SEL1L3: variants seen among roughly 807,000 people sequenced by gnomAD.
The protein encoded by SEL1L3 is protein sel-1 homolog 3.
Under a neutral mutation model 142.8 loss-of-function variants are expected in SEL1L3, and 76 were observed. The observed-to-expected ratio is 0.53, with a 90% CI of 0.44 to 0.64. The LOEUF (loss-of-function observed/expected upper bound fraction) is 0.64. Ranked by LOEUF, SEL1L3 falls within the 30% of genes least tolerant of loss-of-function variation. The probability of loss-of-function intolerance (pLI) is 0.00; values close to 1 mark genes in which losing one functional copy is unlikely to be tolerated. For synonymous variants in SEL1L3, 504 were observed against 519.6 expected (o/e 0.97, Z 0.41); for missense variants, 1,262 against 1,381.7 (o/e 0.91, Z 1.37).
At chr4:25,757,878 A>C in intron 21 of SEL1L3, 88 bp from the exon 22 acceptor site, 1 of 879,748 alleles carries the variant, frequency 1.1e-6, no homozygotes, top group Non-Finnish European at 1.8e-6. Context: ...ACAAACCTAC[A>C]TTCTTCTGCT....
intron 11 of SEL1L3, among the ~76,000 whole-genome samples, chr4:25,792,437 A>G (rs1374343878): frequency 1.3e-5 from 2 of 152,198 alleles, no homozygotes; most frequent in African/African-American, 4.8e-5. Context: ...AGACCACTCT[A>G]TCTGGTCCAC....
chr4:25,745,471 G>A (rs188771339), downstream of SEL1L3, among the ~76,000 whole-genome samples: 17 of 152,172 alleles, frequency 1.1e-4, 1 homozygote, highest in Middle Eastern at 3.4e-3. Flanking sequence ...TGCAACCAAC[G>A]TAGAGTTTTG....
At chr4:25,840,386 T>A (rs1716095171) in intron 2 of SEL1L3, among the ~76,000 whole-genome samples, 1 of 152,184 alleles carries the variant, frequency 6.6e-6, no homozygotes, top group African/African-American at 2.4e-5. Context: ...TCCTGCTGCA[T>A]AAACCATTTT....
rs567682995 is a variant in SEL1L3, at chr4:25,782,358, C to T, written c.2341G>A (p.Ala781Thr). Residue 781 changes from alanine (A) to threonine (T), a missense_variant, in exon 15 of 24, where the codon GCC becomes ACC. Physicochemically the swap from Ala to Thr is moderately conservative, Grantham distance 58 (BLOSUM62 0). Coordinates refer to ENST00000399878, the MANE Select transcript of SEL1L3 (RefSeq NM_015187.5). ...WYYHKFKKNY[A>T]KAAKYWLKAE... is the part of the protein sequence containing the mutation. ...TTTAACCAGTACTTTGCTGCTTTGG[C>T]GTAATTTTTCTTGAATTTGTGGTAA... 21 of 1,613,814 alleles carry T rather than the reference C, an allele frequency of 1.3e-5. No homozygotes were observed. The highest frequency in any genetic ancestry group is 3.3e-5 in the South Asian group (3 of 91,076).
chr4:25,815,861 G>C (rs531650037), intron 9 of SEL1L3, among the ~76,000 whole-genome samples: 82 of 137,738 alleles, frequency 6.0e-4, no homozygotes, highest in African/African-American at 1.7e-3. Context: ...TGGAGAGGAG[G>C]GATATTGGGG....
At chr4:25,813,264 A>G (rs1714154592) in intron 9 of SEL1L3, among the ~76,000 whole-genome samples, 1 of 152,222 alleles carries the variant, frequency 6.6e-6, no homozygotes, top group Admixed American at 6.5e-5. Flanking sequence ...TATTCTAAGC[A>G]AAGTTATTCA....
downstream of SEL1L3, among the ~76,000 whole-genome samples, chr4:25,746,801 A>G (rs937654533): frequency 2.0e-5 from 3 of 151,772 alleles, no homozygotes; most frequent in African/African-American, 4.8e-5. Flanking sequence ...CTCTGAGCCA[A>G]TAAAACCTCT....
rs147695195 is a variant in SEL1L3 at position 25,834,188 on chromosome 4, C to A, written c.861-619G>T. On this transcript the variant is annotated intron_variant, in intron 3 of 23. Transcript: ENST00000399878. ...ATTCCTGGACTGGGGCTATTTTAGTCGAAAAAAATATTGTACATCTGTGAC... is the reference window on the plus strand; with the variant it reads ...ATTCCTGGACTGGGGCTATTTTAGTAGAAAAAAATATTGTACATCTGTGAC... Among the ~76,000 whole-genome samples the A allele has an allele frequency of 6.7e-3, 1,019 of 152,038 alleles. 6 individuals carry two copies. Among genetic ancestry groups the A allele is most frequent in the Middle Eastern group, 0.01 (3 of 294 alleles).
the SEL1L3 span, among the ~76,000 whole-genome samples, chr4:25,715,336 A>G: frequency 6.6e-6 from 1 of 152,122 alleles, no homozygotes; most frequent in African/African-American, 2.4e-5. Context: ...AATTTTTAAA[A>G]ATTATATTTT....
chr4:25,748,778 G>A (rs1045305092), intron 23 of SEL1L3, among the ~76,000 whole-genome samples: 1 of 152,150 alleles, frequency 6.6e-6, no homozygotes, highest in African/African-American at 2.4e-5. Context: ...CCCTTCAAGA[G>A]TTTCACCTCC....
At chr4:25,723,730 GCTGCT>G in the SEL1L3 span, among the ~76,000 whole-genome samples, 1 of 152,102 alleles carries the variant, frequency 6.6e-6, no homozygotes, top group Non-Finnish European at 1.5e-5. Context: ...ACCACCACCA[GCTGCT>G]GGTCCTCACA....
intron 9 of SEL1L3, among the ~76,000 whole-genome samples, chr4:25,816,144 A>G (rs568793467): frequency 2.8e-4 from 41 of 147,306 alleles, no homozygotes; most frequent in African/African-American, 9.7e-4. Flanking sequence ...AATATAATAT[A>G]CATATATTAT....
At chr4:25,734,811 C>T in the SEL1L3 span, among the ~76,000 whole-genome samples, 147 of 151,924 alleles carry the variant, frequency 9.7e-4, no homozygotes, top group Non-Finnish European at 1.9e-3. Flanking sequence ...TCAGGTGATC[C>T]GCCCGCCTCA....
intron 15 of SEL1L3, 141 bp downstream of exon 15, chr4:25,782,101 G>A: frequency 1.4e-6 from 1 of 708,210 alleles, no homozygotes. Context: ...TCACTATCTT[G>A]TTTTCCTACG....
intron 17 of SEL1L3, among the ~76,000 whole-genome samples, 167 bp from the exon 18 acceptor site, chr4:25,767,997 C>T (rs188709655): frequency 6.6e-6 from 1 of 152,020 alleles, no homozygotes; most frequent in Non-Finnish European, 1.5e-5. Context: ...ACTGCATGCA[C>T]TGATTTATTT....
the SEL1L3 span, among the ~76,000 whole-genome samples, chr4:25,731,424 A>G: frequency 6.6e-6 from 1 of 152,174 alleles, no homozygotes; most frequent in Non-Finnish European, 1.5e-5. Flanking sequence ...TGCCTATAAA[A>G]TCCTCACCAC....
intron 9 of SEL1L3, among the ~76,000 whole-genome samples, chr4:25,812,532 C>G (rs1034452922): frequency 6.6e-6 from 1 of 152,036 alleles, no homozygotes; most frequent in African/African-American, 2.4e-5. Flanking sequence ...CCAGCCTGGC[C>G]AACATGGCGA....
At chr4:25,819,544 A>G (rs1714615995) in intron 8 of SEL1L3, among the ~76,000 whole-genome samples, 2 of 152,208 alleles carry the variant, frequency 1.3e-5, no homozygotes, top group Non-Finnish European at 1.5e-5. Flanking sequence ...ACTCGCTTTC[A>G]TTTGTACTTG....
At chr4:25,755,397 C>T (rs1388802599) in intron 23 of SEL1L3, among the ~76,000 whole-genome samples, 1 of 152,136 alleles carries the variant, frequency 6.6e-6, no homozygotes, top group Non-Finnish European at 1.5e-5. Flanking sequence ...GCCACTGCGT[C>T]TGGTCTCCTG....
Sources: allele counts gnomAD v4.1 joint callset (sites outside exome capture counted in the v4.1 genomes callset), GRCh38; gene constraint gnomAD v4.1.1; transcripts MANE v1.5; gene names NCBI Gene and HGNC (gene_info 2026-07-23, HGNC 2026-07-21).